The following STK32B variants were observed in gnomAD, a reference collection of about 807,000 sequenced individuals.
STK32B encodes serine/threonine kinase 32B.
In STK32B, 43 loss-of-function variants were observed where a neutral mutation model predicts 52.6. The observed-to-expected ratio is 0.82, with a 90% CI of 0.64 to 1.05. STK32B has a LOEUF of 1.05. Among genes scored for constraint, STK32B ranks in the 50% least tolerant of loss-of-function variants. The pLI is 0.00. For missense variants in STK32B, 621 were observed against 534.6 expected (o/e 1.16, Z -1.59); for synonymous variants, 238 against 204.3 (o/e 1.17, Z -1.41).
chr4:5,068,785 A>G (rs1439531657), intron 1 of STK32B, among the ~76,000 whole-genome samples: 2 of 152,196 alleles, frequency 1.3e-5, no homozygotes, highest in Non-Finnish European at 2.9e-5. Context: ...CCAGATTGTG[A>G]CTACTATAAA....
chr4:5,084,810 GT>G (rs1191136428), intron 1 of STK32B, among the ~76,000 whole-genome samples: 2 of 152,264 alleles, frequency 1.3e-5, no homozygotes, highest in Non-Finnish European at 2.9e-5. Context: ...GAGTGGAACT[GT>G]TTTTTAAAGA....
chr4:5,410,742 A>C (rs1711590012), intron 5 of STK32B, among the ~76,000 whole-genome samples: 1 of 152,228 alleles, frequency 6.6e-6, no homozygotes, highest in South Asian at 2.1e-4. Flanking sequence ...GACTATTATG[A>C]TATCCCTACA....
intron 4 of STK32B, among the ~76,000 whole-genome samples, chr4:5,355,356 A>G (rs1438463437): frequency 6.6e-6 from 1 of 152,122 alleles, no homozygotes; most frequent in Non-Finnish European, 1.5e-5. Flanking sequence ...GTCTGGCTCC[A>G]TGCACAGACC....
chr4:5,225,365 C>T (rs1723794583), intron 3 of STK32B, among the ~76,000 whole-genome samples: 1 of 152,050 alleles, frequency 6.6e-6, no homozygotes, highest in African/African-American at 2.4e-5. Context: ...CGAGATCACG[C>T]CATTGCACTC....
chr4:5,164,686 C>T (rs536676789), intron 2 of STK32B, among the ~76,000 whole-genome samples: 37 of 152,094 alleles, frequency 2.4e-4, no homozygotes, highest in Non-Finnish European at 4.4e-4. Context: ...GCAGGATCTC[C>T]GATGAGCAGA....
At chr4:5,168,257 C>T (rs772742011) in intron 2 of STK32B, 42 bp from the exon 3 acceptor site, 21 of 1,580,792 alleles carry the variant, frequency 1.3e-5, no homozygotes, top group Middle Eastern at 3.4e-4. Context: ...TCTCCCTTTT[C>T]GATTGTTGGC....
At chr4:5,198,007 T>C (rs896266137) in intron 3 of STK32B, among the ~76,000 whole-genome samples, 8 of 152,220 alleles carry the variant, frequency 5.3e-5, no homozygotes, top group Non-Finnish European at 1.2e-4. Context: ...CATTTTTTTT[T>C]CTGCATGTTA....
In STK32B at chr4:5,398,098, G is replaced by T; in HGVS notation, c.435-109G>T. The T allele has an allele frequency of 8.4e-7, 1 of 1,186,858 alleles. No homozygotes were observed. The highest frequency in any genetic ancestry group is 1.2e-6 in the Non-Finnish European group (1 of 824,304). The allele number at this position is 1,186,858 out of a possible 1,614,324, so 73.5% of individuals were successfully genotyped here. A position where few individuals can be genotyped will look rare whatever the true frequency, so the allele number is the denominator to read the frequency against. ...CATGTCTGAGGCTTCAGGTCAGGGAGAGGTGAGCAGCCTGGGTGTTCCAGC... is the reference window on the plus strand; with the variant it reads ...CATGTCTGAGGCTTCAGGTCAGGGATAGGTGAGCAGCCTGGGTGTTCCAGC... On this transcript the variant is annotated intron_variant, in intron 4 of 11. Transcript: ENST00000282908. This position sits in a 1 kb window ranked among gnomAD's most constrained non-coding sequence, Gnocchi z 4.9.
At position 5,456,811 on chromosome 4, in the gene STK32B, C is replaced by T. The variant is rs200741998; in HGVS notation, c.671C>T (p.Pro224Leu). 8 of 1,574,674 alleles carry T rather than the reference C, an allele frequency of 5.1e-6. No individual in the cohort carries two copies. The highest frequency in any genetic ancestry group is 2.4e-5 in the South Asian group (2 of 84,092). The change falls in exon 8 of 12, where the codon CCG becomes CTG. Residue 224 changes from proline (P) to leucine (L), a missense_variant. Physicochemically the swap from Pro to Leu is moderately conservative, Grantham distance 98. Transcript: ENST00000282908. ...GCTGTTGTTCTTTGATTGCAGAGGC[C>T]GTACGAAATCCACTCGGTCACGCCC... ...TAYELLRGWR[P>L]YEIHSVTPID...
intron 3 of STK32B, among the ~76,000 whole-genome samples, chr4:5,257,809 G>T (rs188697083): frequency 6.6e-6 from 1 of 152,196 alleles, no homozygotes; most frequent in African/African-American, 2.4e-5. Context: ...TCTGTGTGGC[G>T]GCATGGGCCT....
At chr4:5,045,971 T>C in the STK32B span, among the ~76,000 whole-genome samples, 9 of 152,310 alleles carry the variant, frequency 5.9e-5, no homozygotes, top group African/African-American at 2.2e-4. Flanking sequence ...ACTGTTTTCA[T>C]CAAACTACCA....
chr4:5,266,391 C>T (rs773614549), intron 3 of STK32B, among the ~76,000 whole-genome samples: 1 of 152,104 alleles, frequency 6.6e-6, no homozygotes, highest in Non-Finnish European at 1.5e-5. Context: ...CAGGGAGTGA[C>T]TGGGGGTAAA....
At position 5,171,511 on chromosome 4, in the gene STK32B, C is replaced by G. The variant is rs188476123; in HGVS notation, c.260+3061C>G. Among the ~76,000 whole-genome samples, 452 of 152,292 alleles carry G rather than the reference C, an allele frequency of 3.0e-3. 2 individuals are homozygous for G. The highest frequency in any genetic ancestry group is 0.01 in the African/African-American group (424 of 41,564). On this transcript the variant is annotated intron_variant, in intron 3 of 11. Coordinates refer to ENST00000282908, the MANE Select transcript of STK32B (RefSeq NM_018401.3). ...AAGGTACAAGGAAGGTGTCCAGTTT[C>G]AGCTTTCTCCATATGGCTAGCCAGT...
chr4:5,483,566 T>G (rs1231684493), intron 11 of STK32B, among the ~76,000 whole-genome samples: 15 of 151,470 alleles, frequency 9.9e-5, no homozygotes, highest in Admixed American at 3.3e-4. Context: ...TTTTTGAAGG[T>G]TTTTTTGTGT....
Position 5,468,788 on chromosome 4 carries a change from C to T in STK32B, c.1106+718C>T, listed in dbSNP as rs1158209061. ...ATGATAATATCTAGAGGAGGCCGGG[C>T]GCGGTGGCTCACACCTGTAATTCTA... On this transcript the variant is annotated intron_variant, in intron 11 of 11. Transcript: ENST00000282908. Among the ~76,000 whole-genome samples the T allele has an allele frequency of 8.5e-5, 13 of 152,054 alleles. No homozygotes were observed. The South Asian group carries it at 2.3e-3, about 27-fold the overall frequency.
At chr4:5,476,896 G>C (rs1260101777) in intron 11 of STK32B, among the ~76,000 whole-genome samples, 1 of 151,666 alleles carries the variant, frequency 6.6e-6, no homozygotes, top group Non-Finnish European at 1.5e-5. Flanking sequence ...CACAACCCAA[G>C]GGATGCCGCC....
At chr4:5,061,434 C>G (rs1342193449) in intron 1 of STK32B, among the ~76,000 whole-genome samples, 1 of 152,174 alleles carries the variant, frequency 6.6e-6, no homozygotes, top group Non-Finnish European at 1.5e-5. Context: ...TTTGATAACT[C>G]CATTATTTGG....
intron 1 of STK32B, among the ~76,000 whole-genome samples, chr4:5,104,909 A>C (rs568694713): frequency 1.3e-5 from 2 of 152,264 alleles, no homozygotes; most frequent in African/African-American, 4.8e-5. Context: ...ATATTTTTCT[A>C]TTCTGCTCTC....
At chr4:5,176,891 C>A (rs192013250) in intron 3 of STK32B, among the ~76,000 whole-genome samples, 1 of 152,272 alleles carries the variant, frequency 6.6e-6, no homozygotes, top group African/African-American at 2.4e-5. Context: ...TTATTTCTAT[C>A]ATAAGCAAGA....
Sources: allele counts gnomAD v4.1 joint callset (sites outside exome capture counted in the v4.1 genomes callset), GRCh38; gene constraint gnomAD v4.1.1; non-coding constraint Gnocchi (gnomAD v3.1); transcripts MANE v1.5; gene names NCBI Gene and HGNC (gene_info 2026-07-23, HGNC 2026-07-21).